The following EEPD1 variants were observed in gnomAD, a reference collection of about 807,000 sequenced individuals.
EEPD1 encodes endonuclease/exonuclease/phosphatase family domain containing 1, also known as endonuclease/exonuclease/phosphatase family domain-containing protein 1.
Under a neutral mutation model 46.3 loss-of-function variants are expected in EEPD1, and 17 were observed. The observed-to-expected ratio is 0.37, with a 90% CI of 0.25 to 0.55. The LOEUF (loss-of-function observed/expected upper bound fraction) is 0.55, where lower values mean the gene tolerates loss of function less well. Among genes scored for constraint, EEPD1 ranks in the 20% least tolerant of loss-of-function variants. EEPD1 has a pLI of 0.83. For synonymous variants in EEPD1, 313 were observed against 315.6 expected (o/e 0.99, Z 0.09); for missense variants, 673 against 745.6 (o/e 0.90, Z 1.13).
rs2115582619 is a variant in EEPD1, at chr7:36,154,467, A to G, written c.143A>G (p.Glu48Gly). The G allele has an allele frequency of 1.2e-6, 2 of 1,614,170 alleles. No individual in the cohort carries two copies. The highest frequency in any genetic ancestry group is 4.5e-5 in the East Asian group (2 of 44,884). Residue 48 changes from glutamate to glycine, a missense_variant, in exon 2 of 8, where the codon GAG (glutamate) becomes GGG (glycine). Physicochemically the swap from Glu to Gly is moderately conservative, Grantham distance 98. Coordinates refer to ENST00000242108, the MANE Select transcript of EEPD1 (RefSeq NM_030636.3). This position sits in a 1 kb window ranked among gnomAD's most constrained non-coding sequence, Gnocchi z 4.2. The part of the protein sequence containing the change: ...ERLNINTATE[E>G]ELMTLPGVTR... ...CTCAACATCAACACTGCCACGGAGG[A>G]GGAGCTGATGACCCTGCCTGGGGTG...
intron 3 of EEPD1, among the ~76,000 whole-genome samples, chr7:36,275,763 C>T (rs970460126): frequency 1.4e-4 from 22 of 152,076 alleles, no homozygotes; most frequent in Non-Finnish European, 2.5e-4. Flanking sequence ...CCCGAACCAC[C>T]TTTATTATTT....
chr7:36,161,806 A>G (rs1784904003), intron 2 of EEPD1, among the ~76,000 whole-genome samples: 1 of 151,732 alleles, frequency 6.6e-6, no homozygotes, highest in Non-Finnish European at 1.5e-5. Context: ...AGTCCCAGCT[A>G]CTCAGAAGGC....
At chr7:36,164,139 C>T (rs1234477468) in intron 2 of EEPD1, among the ~76,000 whole-genome samples, 2 of 152,228 alleles carry the variant, frequency 1.3e-5, no homozygotes, top group Non-Finnish European at 2.9e-5. Context: ...TTGCAGGATA[C>T]TATATTTTTT....
At chr7:36,182,297 G>T (rs1304306779) in intron 2 of EEPD1, among the ~76,000 whole-genome samples, 1 of 152,164 alleles carries the variant, frequency 6.6e-6, no homozygotes, top group Non-Finnish European at 1.5e-5. Context: ...TAAGAGAAAA[G>T]TAAGAATATA....
intron 3 of EEPD1, among the ~76,000 whole-genome samples, chr7:36,242,790 C>T (rs1191648829): frequency 6.9e-6 from 1 of 145,712 alleles, no homozygotes. Flanking sequence ...AAAAAAAAGC[C>T]AGGTGTGGTG....
At chr7:36,289,596 G>A (rs994215337) in intron 6 of EEPD1, among the ~76,000 whole-genome samples, 6 of 152,310 alleles carry the variant, frequency 3.9e-5, no homozygotes, top group South Asian at 4.1e-4. Context: ...CCGGGTTCAC[G>A]CCATTCTCCT....
At chr7:36,204,802 TTTTG>T (rs145484333) in intron 2 of EEPD1, among the ~76,000 whole-genome samples, 51 of 151,104 alleles carry the variant, frequency 3.4e-4, no homozygotes, top group Middle Eastern at 6.9e-3. Context: ...GTGACAGTGT[TTTTG>T]TTTGTTTGTT....
chr7:36,207,181 G>A (rs1053084021), intron 2 of EEPD1, among the ~76,000 whole-genome samples: 2 of 152,214 alleles, frequency 1.3e-5, no homozygotes, highest in African/African-American at 2.4e-5. Flanking sequence ...TGCATTCCTA[G>A]AGTTTGGATT....
intron 6 of EEPD1, among the ~76,000 whole-genome samples, chr7:36,288,457 A>G (rs1358887154): frequency 6.6e-6 from 1 of 152,154 alleles, no homozygotes; most frequent in Non-Finnish European, 1.5e-5. Flanking sequence ...AATTAAGAGA[A>G]CACTGAAAAG....
intron 3 of EEPD1, among the ~76,000 whole-genome samples, chr7:36,277,850 G>C (rs1787204267): frequency 1.5e-5 from 1 of 68,414 alleles, no homozygotes; most frequent in South Asian, 4.5e-4. Flanking sequence ...TGTGGGCTGA[G>C]AGAGGTTATT....
chr7:36,281,138 G>A lies in EEPD1; in HGVS notation c.954G>A (p.Pro318=), dbSNP rs148018632. ...AGTTCTGCACGGAGCTAAACCAGCC[G>A]ACCCTGCCCAACATCCGCAAGTGGA... ...LEKFCTELNQ[P]TLPNIRKWKG... is the part of the protein sequence containing the mutation. Residue 318 remains proline, a synonymous_variant, in exon 4 of 8, where the codon CCG becomes CCA. Coordinates refer to ENST00000242108, the MANE Select transcript of EEPD1 (RefSeq NM_030636.3). The A allele has an allele frequency of 1.1e-4, 185 of 1,613,990 alleles. No individual in the cohort carries two copies. Among genetic ancestry groups the A allele is most frequent in the South Asian group, 2.6e-4 (24 of 91,084 alleles).
intron 2 of EEPD1, chr7:36,228,912 T>G (rs1367300064): frequency 6.6e-6 from 1 of 152,192 alleles, no homozygotes; most frequent in Non-Finnish European, 1.5e-5. Flanking sequence ...GACATGTGAG[T>G]AGAGAGTGGC....
chr7:36,255,150 C>T (rs968401849), intron 3 of EEPD1, among the ~76,000 whole-genome samples: 4 of 152,128 alleles, frequency 2.6e-5, no homozygotes, highest in Non-Finnish European at 4.4e-5. Flanking sequence ...AATTAGATCC[C>T]GTTTGTCAAT....
intron 4 of EEPD1, among the ~76,000 whole-genome samples, chr7:36,282,744 C>T (rs542369307): frequency 3.3e-5 from 5 of 152,376 alleles, no homozygotes; most frequent in South Asian, 2.1e-4. Context: ...GCAGGCTGGC[C>T]GCCTGCAGTG....
chr7:36,236,139 A>G (rs1302122947), intron 2 of EEPD1, among the ~76,000 whole-genome samples: 1 of 152,168 alleles, frequency 6.6e-6, no homozygotes, highest in Admixed American at 6.5e-5. Context: ...AGGTGACAAC[A>G]TGCTAGCAGC....
intron 3 of EEPD1, among the ~76,000 whole-genome samples, chr7:36,254,326 C>A (rs565910473): frequency 3.3e-5 from 5 of 152,090 alleles, no homozygotes; most frequent in Non-Finnish European, 7.4e-5. Flanking sequence ...CCCCTCCCTG[C>A]GTCCATGTGT....
intron 3 of EEPD1, among the ~76,000 whole-genome samples, chr7:36,278,877 TCCCTCGCC>T (rs962371547): frequency 2.0e-5 from 3 of 151,974 alleles, no homozygotes; most frequent in Non-Finnish European, 4.4e-5. Context: ...CCTTCCCCAC[TCCCTCGCC>T]CCTGTCAGCA....
intron 2 of EEPD1, among the ~76,000 whole-genome samples, chr7:36,179,748 C>T (rs1439569698): frequency 6.6e-6 from 1 of 150,438 alleles, no homozygotes; most frequent in Non-Finnish European, 1.5e-5. Context: ...TGGCGCATGC[C>T]TGTGAGGATA....
intron 2 of EEPD1, among the ~76,000 whole-genome samples, chr7:36,234,644 C>T (rs1014158344): frequency 2.0e-5 from 3 of 151,434 alleles, no homozygotes; most frequent in African/African-American, 7.3e-5. Flanking sequence ...TGTACTCCAG[C>T]CTGGGTGACA....
Sources: allele counts gnomAD v4.1 joint callset (sites outside exome capture counted in the v4.1 genomes callset), GRCh38; gene constraint gnomAD v4.1.1; non-coding constraint Gnocchi (gnomAD v3.1); transcripts MANE v1.5; gene names NCBI Gene and HGNC (gene_info 2026-07-23, HGNC 2026-07-21).